Variants in TCF4 observed in about 807,000 individuals in gnomAD.
TCF4 encodes transcription factor 4.
Under a neutral mutation model 82.1 loss-of-function variants are expected in TCF4, and 3 were observed. The observed-to-expected ratio is 0.04, with a 90% CI of 0.02 to 0.09. The LOEUF (loss-of-function observed/expected upper bound fraction) is 0.09. TCF4 is among the 10% of genes least tolerant of loss of function. TCF4 has a pLI of 1.00. For missense variants in TCF4, 518 were observed against 852.7 expected, an observed-to-expected ratio of 0.61 and a Z score of 4.89; for synonymous variants, 276 against 309.6, an observed-to-expected ratio of 0.89 and a Z score of 1.14.
chr18:55,350,762 A>G, intron 7 of TCF4, 112 bp downstream of exon 7: 1 of 1,483,776 alleles, frequency 6.7e-7, no homozygotes, highest in East Asian at 2.4e-5. Context: ...GCCAAATTTT[A>G]TGGTTTTCTT....
rs527912691 is a variant in TCF4, at chr18:55,296,560, G to A, written c.550-16904C>T. Among the ~76,000 whole-genome samples the A allele has an allele frequency of 1.6e-4, 24 of 152,244 alleles. No individual in the cohort carries two copies. The East Asian group carries it at 3.7e-3, about 23-fold the overall frequency. On this transcript the variant is annotated intron_variant, in intron 8 of 19. Coordinates refer to ENST00000354452, the MANE Select transcript of TCF4 (RefSeq NM_001083962.2). Reference sequence around the variant, plus strand: ...CCTTCATCTTCATCATGTTTTACCTGCAGTGGTTTTTGGCTTCAATTTAAT... The same window carrying A: ...CCTTCATCTTCATCATGTTTTACCTACAGTGGTTTTTGGCTTCAATTTAAT...
At chr18:55,425,610 A>G (rs967857138) in intron 5 of TCF4, among the ~76,000 whole-genome samples, 1 of 152,134 alleles carries the variant, frequency 6.6e-6, no homozygotes, top group African/African-American at 2.4e-5. Context: ...TCCTCAAGGA[A>G]CAGACTCTAC....
chr18:55,399,849 C>G (rs930002383), intron 6 of TCF4, among the ~76,000 whole-genome samples: 2 of 131,910 alleles, frequency 1.5e-5, no homozygotes, highest in African/African-American at 5.6e-5. Flanking sequence ...CTCTCTCTCT[C>G]CCCATCTCTC....
chr18:55,402,143 CG>C, intron 6 of TCF4: 1 of 985,420 alleles, frequency 1.0e-6, no homozygotes, highest in Non-Finnish European at 1.2e-6. Flanking sequence ...AACTGCACTC[CG>C]GCAGGAGCTC....
At chr18:55,575,646 C>T (rs1471550800) in intron 3 of TCF4, among the ~76,000 whole-genome samples, 1 of 152,100 alleles carries the variant, frequency 6.6e-6, no homozygotes, top group African/African-American at 2.4e-5. Flanking sequence ...TATCAACCAT[C>T]ATTTGAATTT....
intron 7 of TCF4, among the ~76,000 whole-genome samples, 153 bp from the exon 8 acceptor site, chr18:55,350,561 AATCAAATTCTGCT>A (rs1324959183): frequency 6.6e-6 from 1 of 152,180 alleles, no homozygotes; most frequent in Non-Finnish European, 1.5e-5. Context: ...TTCTAGCAGA[AATCAAATTCTGCT>A]TTGTTCATAA....
intron 8 of TCF4, among the ~76,000 whole-genome samples, chr18:55,332,462 C>G (rs982240257): frequency 1.3e-5 from 2 of 152,124 alleles, no homozygotes; most frequent in Non-Finnish European, 2.9e-5. Flanking sequence ...TATCATGGAC[C>G]ACATGATTAC....
At chr18:55,304,292 A>T (rs1472792875) in intron 8 of TCF4, among the ~76,000 whole-genome samples, 1 of 152,218 alleles carries the variant, frequency 6.6e-6, no homozygotes, top group Non-Finnish European at 1.5e-5. Flanking sequence ...ACCAGAAAAC[A>T]TAAACAAAAA....
intron 3 of TCF4, among the ~76,000 whole-genome samples, chr18:55,580,545 T>C (rs985786896): frequency 1.3e-5 from 2 of 152,052 alleles, no homozygotes; most frequent in East Asian, 1.9e-4. Context: ...TTTAGTCACA[T>C]TGATATCTGT....
At chr18:55,310,269 A>G (rs2071891313) in intron 8 of TCF4, among the ~76,000 whole-genome samples, 1 of 152,224 alleles carries the variant, frequency 6.6e-6, no homozygotes, top group African/African-American at 2.4e-5. Context: ...TAATGGGCTA[A>G]GCAATAAATG....
At chr18:55,388,785 C>T (rs138116356) in intron 6 of TCF4, among the ~76,000 whole-genome samples, 3 of 152,274 alleles carry the variant, frequency 2.0e-5, no homozygotes, top group East Asian at 3.9e-4. Flanking sequence ...GAAAACAAAT[C>T]TCTCTAAATC....
chr18:55,437,001 A>G (rs1041869783), intron 5 of TCF4, among the ~76,000 whole-genome samples: 11 of 152,236 alleles, frequency 7.2e-5, no homozygotes, highest in Non-Finnish European at 1.5e-4. Flanking sequence ...CCTGAGAAAA[A>G]CATTCATGCC....
chr18:55,309,023 A>T (rs1405517596), intron 8 of TCF4, among the ~76,000 whole-genome samples: 1 of 152,196 alleles, frequency 6.6e-6, no homozygotes, highest in Non-Finnish European at 1.5e-5. Flanking sequence ...AGTAATTGAA[A>T]CTTGGCTAGT....
Position 55,225,753 on chromosome 18 carries a change from G to A in TCF4, c.*2282C>T, listed in dbSNP as rs1034717910. 2.0e-5 allele frequency: 3 copies of A among 152,500 alleles called. No homozygotes were observed. Among genetic ancestry groups the A allele is most frequent in the Non-Finnish European group, 1.5e-5 (1 of 67,992 alleles). 9.4% of individuals were successfully genotyped at this position (152,500 alleles called of 1,614,324 possible). A position where few individuals can be genotyped will look rare whatever the true frequency, so the allele number is the denominator to read the frequency against. The stretch of plus-strand genomic sequence containing the variant: ...GGAAAGCCCCAAAATAACTTTTCAT[G>A]AAGTTTGATTTCTGCTATTCTCCTA... On this transcript the variant is annotated 3_prime_UTR_variant, in exon 20 of 20. Coordinates refer to ENST00000354452, the MANE Select transcript of TCF4 (RefSeq NM_001083962.2).
chr18:55,261,210 C>A (rs2058020577), intron 12 of TCF4: 1 of 513,026 alleles, frequency 1.9e-6, no homozygotes, highest in Non-Finnish European at 3.5e-6. Context: ...CCTATAAACC[C>A]AAAGACCAGG....
At chr18:55,275,492 A>C in intron 10 of TCF4, 127 bp downstream of exon 10, 1 of 1,221,060 alleles carries the variant, frequency 8.2e-7, no homozygotes, top group South Asian at 1.2e-5. Flanking sequence ...AATACAACTT[A>C]AGAATAATGG....
At chr18:55,271,458 C>T (rs2060356791) in intron 10 of TCF4, among the ~76,000 whole-genome samples, 1 of 151,970 alleles carries the variant, frequency 6.6e-6, no homozygotes, top group Non-Finnish European at 1.5e-5. Context: ...ATTTGAGAGC[C>T]AACTAGTCTA....
chr18:55,619,646 C>A (rs954084829), intron 2 of TCF4, among the ~76,000 whole-genome samples: 2 of 152,006 alleles, frequency 1.3e-5, no homozygotes, highest in East Asian at 3.9e-4. Flanking sequence ...CCTTAATGTC[C>A]TTGTATTATA....
intron 16 of TCF4, chr18:55,234,318 C>A (rs1057226764): frequency 1.9e-5 from 12 of 625,532 alleles, no homozygotes; most frequent in Non-Finnish European, 3.3e-5. Flanking sequence ...TCATTCCCTG[C>A]TGATATAGGA....
Sources: allele counts gnomAD v4.1 joint callset (sites outside exome capture counted in the v4.1 genomes callset), GRCh38; gene constraint gnomAD v4.1.1; transcripts MANE v1.5; gene names NCBI Gene and HGNC (gene_info 2026-07-23, HGNC 2026-07-21).